MRTFB: variants seen among roughly 807,000 people sequenced by gnomAD.
MRTFB encodes the protein myocardin-related transcription factor B.
A neutral mutation model predicts 104.2 loss-of-function variants in MRTFB; 29 were observed. The ratio of observed to expected loss-of-function variants is 0.28; its 90% CI spans 0.21 to 0.38. The LOEUF is 0.38. MRTFB is among the 10% of genes least tolerant of loss of function. The probability of loss-of-function intolerance (pLI) is 1.00; values close to 1 mark genes in which losing one functional copy is unlikely to be tolerated. For synonymous variants in MRTFB, 535 were observed against 519.5 expected, an observed-to-expected ratio of 1.03 and a Z score of -0.41; for missense variants, 1,270 against 1,341.6, an observed-to-expected ratio of 0.95 and a Z score of 0.83.
At chr16:14,082,899 T>C (rs574549659) in intron 2 of MRTFB, among the ~76,000 whole-genome samples, 1 of 152,272 alleles carries the variant, frequency 6.6e-6, no homozygotes, top group South Asian at 2.1e-4. Flanking sequence ...CTGTGAAGAA[T>C]GTTATTGGTA....
At chr16:14,236,468 C>T (rs1313150879) in intron 9 of MRTFB, among the ~76,000 whole-genome samples, 1 of 152,190 alleles carries the variant, frequency 6.6e-6, no homozygotes, top group Admixed American at 6.6e-5. Context: ...CAAATCCCCA[C>T]CCTTAGGGTA....
At chr16:14,035,081 T>C in the MRTFB span, among the ~76,000 whole-genome samples, 5 of 152,228 alleles carry the variant, frequency 3.3e-5, no homozygotes, top group African/African-American at 1.2e-4. Context: ...ACCTCTGAAG[T>C]GGCTTTACTC....
rs144309249 is a variant in MRTFB, at chr16:14,225,150, C to T, written c.693+6152C>T. On this transcript the variant is annotated intron_variant, in intron 8 of 16. Transcript: ENST00000571589. ...GTGGTGAGCCATGATCGCGCCATTG[C>T]ACTCCAGCCTGGGCAACAAGAGCAG... Among the ~76,000 whole-genome samples, 531 of 152,256 alleles carry T rather than the reference C, an allele frequency of 3.5e-3. 1 individual carries two copies. Among genetic ancestry groups the T allele is most frequent in the African/African-American group, 0.012 (500 of 41,548 alleles).
At chr16:14,082,204 G>A (rs1157279668) in intron 2 of MRTFB, among the ~76,000 whole-genome samples, 1 of 152,124 alleles carries the variant, frequency 6.6e-6, no homozygotes, top group African/African-American at 2.4e-5. Flanking sequence ...TACATTTTGA[G>A]TTGATTTTTG....
chr16:14,237,850 G>C (rs2151343080), intron 9 of MRTFB, among the ~76,000 whole-genome samples: 1 of 152,294 alleles, frequency 6.6e-6, no homozygotes, highest in East Asian at 1.9e-4. Context: ...AAATACTATA[G>C]GTTTGGAGAG....
intron 8 of MRTFB, among the ~76,000 whole-genome samples, chr16:14,223,774 G>A (rs2041859951): frequency 6.6e-6 from 1 of 152,186 alleles, no homozygotes; most frequent in Non-Finnish European, 1.5e-5. Context: ...CAAAAGGAAA[G>A]AGAGAAAGGG....
At chr16:14,232,193 A>G (rs1370584577) in intron 8 of MRTFB, among the ~76,000 whole-genome samples, 1 of 152,212 alleles carries the variant, frequency 6.6e-6, no homozygotes, top group East Asian at 1.9e-4. Flanking sequence ...TTTATATGCA[A>G]AGAAATCTAT....
intron 2 of MRTFB, among the ~76,000 whole-genome samples, chr16:14,125,236 C>T (rs920005725): frequency 1.4e-4 from 21 of 152,230 alleles, no homozygotes; most frequent in African/African-American, 5.1e-4. Flanking sequence ...GGTGGGCTGG[C>T]TGCAACTGCC....
chr16:14,154,474 C>G (rs752525370), intron 3 of MRTFB, among the ~76,000 whole-genome samples: 2 of 152,180 alleles, frequency 1.3e-5, no homozygotes, highest in Non-Finnish European at 2.9e-5. Flanking sequence ...CAATCTCTTA[C>G]AATTTTAATT....
At chr16:14,183,932 C>T (rs2039854015) in intron 3 of MRTFB, among the ~76,000 whole-genome samples, 1 of 152,000 alleles carries the variant, frequency 6.6e-6, no homozygotes, top group African/African-American at 2.4e-5. Flanking sequence ...ATTTAACACA[C>T]ACTGAAGATA....
chr16:14,109,933 A>C (rs1325460085), intron 2 of MRTFB, among the ~76,000 whole-genome samples: 1 of 152,228 alleles, frequency 6.6e-6, no homozygotes, highest in Non-Finnish European at 1.5e-5. Context: ...TTTTCATCAC[A>C]AATCAGCCAA....
chr16:14,141,717 T>C (rs2038005794), intron 3 of MRTFB: 1 of 152,186 alleles, frequency 6.6e-6, no homozygotes, highest in South Asian at 2.1e-4. Flanking sequence ...ACCATACATA[T>C]ACCGTTCTTC....
intron 16 of MRTFB, among the ~76,000 whole-genome samples, chr16:14,258,807 T>G (rs913285142): frequency 1.3e-5 from 2 of 152,232 alleles, no homozygotes; most frequent in Admixed American, 6.5e-5. Context: ...CAATATAATA[T>G]GAAGTCTTAG....
chr16:14,056,876 A>G, the MRTFB span, among the ~76,000 whole-genome samples: 1 of 152,158 alleles, frequency 6.6e-6, no homozygotes, highest in African/African-American at 2.4e-5. Flanking sequence ...ATTCATCATC[A>G]CAGCACTCAG....
intron 2 of MRTFB, among the ~76,000 whole-genome samples, chr16:14,134,107 A>G (rs2142474193): frequency 6.6e-6 from 1 of 152,330 alleles, no homozygotes; most frequent in South Asian, 2.1e-4. Context: ...GTTAGTGTGC[A>G]GTTTGCTCCA....
At position 14,190,302 on chromosome 16, in the gene MRTFB, C is replaced by T. The variant is rs147042294; in HGVS notation, c.155-19941C>T. 1.6e-3 allele frequency among the ~76,000 whole-genome samples: 238 copies of T among 152,276 alleles called. 1 individual carries two copies. The highest frequency in any genetic ancestry group is 4.5e-3 in the African/African-American group (189 of 41,562). On this transcript the variant is annotated intron_variant, in intron 3 of 16. Transcript: ENST00000571589. ...TCTCAACTTTTAACTTGTCTACAAA[C>T]GGCTTCAAACATTCTCTGATTACAC...
the MRTFB span, among the ~76,000 whole-genome samples, chr16:14,010,526 C>T: frequency 6.6e-6 from 1 of 152,264 alleles, no homozygotes; most frequent in South Asian, 2.1e-4. Context: ...GTCTTGAACT[C>T]GTGGACTCAA....
chr16:14,046,977 C>T, the MRTFB span, among the ~76,000 whole-genome samples: 3 of 152,176 alleles, frequency 2.0e-5, no homozygotes, highest in African/African-American at 7.2e-5. Flanking sequence ...AACTAGAGAA[C>T]AGACAGGTTC....
chr16:14,056,585 ACCTCTCCAAGGAGC>A, the MRTFB span, among the ~76,000 whole-genome samples: 2 of 152,078 alleles, frequency 1.3e-5, no homozygotes, highest in Non-Finnish European at 2.9e-5. Context: ...GGAAGTAACC[ACCTCTCCAAGGAGC>A]CCTGGTCTCT....
Sources: allele counts gnomAD v4.1 joint callset (sites outside exome capture counted in the v4.1 genomes callset), GRCh38; gene constraint gnomAD v4.1.1; transcripts MANE v1.5; gene names NCBI Gene and HGNC (gene_info 2026-07-23, HGNC 2026-07-21).